Variants in MEGF10 observed in about 807,000 individuals in gnomAD.
The protein encoded by MEGF10 is multiple epidermal growth factor-like domains protein 10.
A neutral mutation model predicts 147.5 loss-of-function variants in MEGF10; 86 were observed. That is an observed-to-expected ratio of 0.58 (90% CI 0.49 to 0.70). MEGF10 has a LOEUF of 0.70. Among genes scored for constraint, MEGF10 ranks in the 30% least tolerant of loss-of-function variants. The probability of loss-of-function intolerance (pLI) is 0.00; values close to 1 mark genes in which losing one functional copy is unlikely to be tolerated. For synonymous variants in MEGF10, 478 were observed against 525.5 expected, an observed-to-expected ratio of 0.91 and a Z score of 1.24; for missense variants, 1,329 against 1,487.3, an observed-to-expected ratio of 0.89 and a Z score of 1.75.
intron 1 of MEGF10, among the ~76,000 whole-genome samples, chr5:127,316,715 A>G (rs246944): frequency 0.64 from 97,663 of 151,940 alleles, 31,951 homozygotes; most frequent in Middle Eastern, 0.7. Context: ...CAAGAATACC[A>G]AGAACATGTA....
the MEGF10 span, among the ~76,000 whole-genome samples, chr5:127,277,734 T>G: frequency 6.6e-6 from 1 of 152,140 alleles, no homozygotes; most frequent in Non-Finnish European, 1.5e-5. Context: ...GGTTGGTGAA[T>G]GTATTTTGAA....
chr5:127,434,582 TAAGG>T, intron 14 of MEGF10, 101 bp from the exon 15 acceptor site: 2 of 1,271,854 alleles, frequency 1.6e-6, no homozygotes, highest in Non-Finnish European at 1.0e-6. Flanking sequence ...TACTTTTTTT[TAAGG>T]TTTTGCTTTT....
chr5:127,362,322 G>A (rs573701312), intron 4 of MEGF10, among the ~76,000 whole-genome samples: 11 of 124,602 alleles, frequency 8.8e-5, no homozygotes, highest in South Asian at 5.3e-4. Flanking sequence ...TTTGATTAGC[G>A]TTAGTATGGT....
At chr5:127,350,735 CA>C (rs1395075080) in intron 4 of MEGF10, among the ~76,000 whole-genome samples, 1 of 151,834 alleles carries the variant, frequency 6.6e-6, no homozygotes, top group East Asian at 1.9e-4. Context: ...TAGGCCACTT[CA>C]AAAAAGACAT....
rs962818294 is a variant in MEGF10, at chr5:127,455,715, A to G, written c.3232+108A>G. ...AGGTCATAGAAATCTTATTGAAAAT[A>G]ATGGTCCGTATTTTATTTTATTTTA... On this transcript the variant is annotated intron_variant, in intron 24 of 24. Coordinates refer to ENST00000503335, the MANE Select transcript of MEGF10 (RefSeq NM_001256545.2). 6.0e-6 allele frequency: 5 copies of G among 831,518 alleles called. No homozygotes were observed. The Admixed American group carries it at 1.5e-4, about 25-fold the overall frequency. The allele number at this position is 831,518 out of a possible 1,614,324, so 51.5% of individuals were successfully genotyped here.
chr5:127,351,782 A>T (rs1056110463), intron 4 of MEGF10, among the ~76,000 whole-genome samples: 5 of 152,222 alleles, frequency 3.3e-5, no homozygotes, highest in African/African-American at 1.2e-4. Context: ...GGCAAGGTGG[A>T]AGAGAGTGAA....
At chr5:127,449,716 C>G (rs1050294970) in intron 22 of MEGF10, among the ~76,000 whole-genome samples, 2 of 152,072 alleles carry the variant, frequency 1.3e-5, no homozygotes, top group Non-Finnish European at 1.5e-5. Flanking sequence ...ACTTGAGATC[C>G]CCTTCCCTTT....
intron 11 of MEGF10, among the ~76,000 whole-genome samples, chr5:127,419,644 C>T (rs1223996227): frequency 1.3e-4 from 20 of 152,134 alleles, no homozygotes; most frequent in Admixed American, 1.2e-3. Context: ...TTAATGGGGT[C>T]CTGCTTTAAA....
chr5:127,418,473 G>A (rs1990954), intron 10 of MEGF10, among the ~76,000 whole-genome samples: 3,195 of 152,300 alleles, frequency 0.021, 58 homozygotes, highest in Middle Eastern at 0.085. Flanking sequence ...TGGATCATAA[G>A]GTCACAGAGC....
intron 9 of MEGF10, among the ~76,000 whole-genome samples, 168 bp downstream of exon 9, chr5:127,410,769 T>C (rs929975724): frequency 2.0e-5 from 3 of 152,250 alleles, no homozygotes; most frequent in African/African-American, 7.2e-5. Context: ...TTTAACTTAA[T>C]GTGTGATGGT....
chr5:127,307,239 T>G (rs2126727166), intron 1 of MEGF10, among the ~76,000 whole-genome samples: 1 of 152,302 alleles, frequency 6.6e-6, no homozygotes, highest in African/African-American at 2.4e-5. Context: ...AAAACTCTTC[T>G]GTGCCTCAGT....
intron 2 of MEGF10, among the ~76,000 whole-genome samples, chr5:127,333,534 AAAAAG>A (rs1761352378): frequency 1.3e-5 from 2 of 152,066 alleles, no homozygotes; most frequent in Non-Finnish European, 2.9e-5. Flanking sequence ...ATAAAAATAA[AAAAAG>A]AGAGAGAGAG....
intron 19 of MEGF10, among the ~76,000 whole-genome samples, chr5:127,444,032 G>A (rs1169748190): frequency 6.6e-6 from 1 of 152,156 alleles, no homozygotes. Flanking sequence ...TTCAATTGGG[G>A]TGTATGTCAT....
chr5:127,351,922 A>T (rs1762103915), intron 4 of MEGF10, among the ~76,000 whole-genome samples: 1 of 152,206 alleles, frequency 6.6e-6, no homozygotes, highest in Non-Finnish European at 1.5e-5. Context: ...TGACCTCCAC[A>T]CATCAACAGA....
At chr5:127,280,384 A>C in the MEGF10 span, among the ~76,000 whole-genome samples, 1 of 152,150 alleles carries the variant, frequency 6.6e-6, no homozygotes, top group Admixed American at 6.6e-5. Flanking sequence ...ATGGTGGTTC[A>C]GTTTTATTAA....
intron 6 of MEGF10, among the ~76,000 whole-genome samples, chr5:127,397,584 G>A (rs1182598786): frequency 6.6e-6 from 1 of 152,192 alleles, no homozygotes; most frequent in Admixed American, 6.5e-5. Flanking sequence ...AAATGTGGCT[G>A]ATTAGGTAAA....
At chr5:127,292,059 A>T (rs1203061792) in intron 1 of MEGF10, among the ~76,000 whole-genome samples, 2 of 152,140 alleles carry the variant, frequency 1.3e-5, no homozygotes, top group East Asian at 3.9e-4. Flanking sequence ...CCCAAATAAA[A>T]ATGCTTCATT....
Position 127,332,373 on chromosome 5 carries a change from C to T in MEGF10, c.116+949C>T, listed in dbSNP as rs148326514. 2.4e-3 allele frequency among the ~76,000 whole-genome samples: 359 copies of T among 152,218 alleles called. 1 individual carries two copies. Among genetic ancestry groups the T allele is most frequent in the African/African-American group, 8.1e-3 (336 of 41,540 alleles). ...TAGCTGTAAGTACAATTATATCAAA[C>T]TCTTGATCTTCAGCACCATGATTAG... On this transcript the variant is annotated intron_variant, in intron 2 of 24. Coordinates refer to ENST00000503335, the MANE Select transcript of MEGF10 (RefSeq NM_001256545.2).
At chr5:127,451,978 C>T (rs78675126) in intron 22 of MEGF10, among the ~76,000 whole-genome samples, 3,922 of 152,262 alleles carry the variant, frequency 0.026, 49 homozygotes, top group East Asian at 0.044. Context: ...AGTCACTTAC[C>T]CTCACTTACC....
Sources: allele counts gnomAD v4.1 joint callset (sites outside exome capture counted in the v4.1 genomes callset), GRCh38; gene constraint gnomAD v4.1.1; transcripts MANE v1.5; gene names NCBI Gene and HGNC (gene_info 2026-07-23, HGNC 2026-07-21).